The following PRR14L variants were observed in gnomAD, a reference collection of about 807,000 sequenced individuals.
PRR14L encodes the protein proline rich 14 like.
A neutral mutation model predicts 155.0 loss-of-function variants in PRR14L; 80 were observed. The ratio of observed to expected loss-of-function variants is 0.52; its 90% CI spans 0.43 to 0.62. PRR14L has a LOEUF of 0.62. PRR14L is among the 20% of genes least tolerant of loss of function. The pLI, the probability that PRR14L is intolerant of heterozygous loss-of-function variation, is 0.00. For missense variants in PRR14L, 2,469 were observed against 2,548.0 expected, an observed-to-expected ratio of 0.97 and a Z score of 0.67; for synonymous variants, 883 against 916.0, an observed-to-expected ratio of 0.96 and a Z score of 0.65.
At position 31,715,652 on chromosome 22, in the gene PRR14L, G is replaced by C; in HGVS notation, c.2187C>G (p.Asn729Lys). The C allele has an allele frequency of 6.4e-7, 1 of 1,552,178 alleles. No individual in the cohort carries two copies. The highest frequency in any genetic ancestry group is 2.4e-5 in the East Asian group (1 of 40,932). Residue 729 changes from asparagine to lysine, a missense_variant, in exon 4 of 9, where the codon AAC becomes AAG. Transcript: ENST00000327423. ...CTGGTTTGATGTTTAAGGTGGGACA[G>C]TTTGAAGAGGCACCACAGGTTTGGT... ...PGNQTCGASSNCPTLNIKPVS... is the reference protein window; with the variant it reads ...PGNQTCGASSKCPTLNIKPVS...
At chr22:31,737,022 TGA>T (rs1342200132) in intron 2 of PRR14L, among the ~76,000 whole-genome samples, 1 of 90,062 alleles carries the variant, frequency 1.1e-5, no homozygotes, top group African/African-American at 4.8e-5. Flanking sequence ...TGGGAGACAG[TGA>T]GAGACTCAAA....
chr22:31,724,237 T>G (rs2074705509), intron 3 of PRR14L, among the ~76,000 whole-genome samples: 1 of 152,194 alleles, frequency 6.6e-6, no homozygotes, highest in African/African-American at 2.4e-5. Flanking sequence ...CATTATATAT[T>G]ACAATGGAAT....
chr22:31,714,176 C>T lies in PRR14L; in HGVS notation c.3663G>A (p.Ser1221=), dbSNP rs778655507. Residue 1221 remains serine, a synonymous_variant, in exon 4 of 9, where the codon TCG becomes TCA. Transcript: ENST00000327423. ...ESTFGISSKE[S]MSCHDESSVS... ...CAGAGCTTTCATCATGGCAAGACAT[C>T]GACTCTTTTGAGGAAATTCCAAAGG... The T allele has an allele frequency of 4.2e-5, 65 of 1,551,582 alleles. No individual in the cohort carries two copies. Among genetic ancestry groups the T allele is most frequent in the Non-Finnish European group, 5.4e-5 (62 of 1,146,966 alleles).
chr22:31,720,094 A>G (rs1365478335), intron 3 of PRR14L, among the ~76,000 whole-genome samples: 2 of 152,192 alleles, frequency 1.3e-5, no homozygotes, highest in Non-Finnish European at 2.9e-5. Flanking sequence ...TGGGGAAAGT[A>G]CAATTACCTC....
At chr22:31,728,352 C>G (rs1269778521) in intron 2 of PRR14L, among the ~76,000 whole-genome samples, 1 of 152,134 alleles carries the variant, frequency 6.6e-6, no homozygotes, top group African/African-American at 2.4e-5. Flanking sequence ...GTGGCTCACA[C>G]CTGTAATCCC....
Position 31,713,276 on chromosome 22 carries a change from C to T in PRR14L, c.4563G>A (p.Gln1521=). ...AAACTTTCTTACAAGTTCGATGGGG[C>T]TGCTTCTTTAAGGGAAGAACTCCTT... ...AKKGVLPLKK[Q]PHRTCKKVSY... Residue 1521 remains glutamine (Q), a synonymous_variant, in exon 4 of 9, where the codon CAG becomes CAA. Coordinates refer to ENST00000327423, the MANE Select transcript of PRR14L (RefSeq NM_173566.3). 5 of 1,552,208 alleles carry T rather than the reference C, an allele frequency of 3.2e-6. No individual in the cohort carries two copies. The highest frequency in any genetic ancestry group is 4.4e-6 in the Non-Finnish European group (5 of 1,147,098).
At chr22:31,688,309 C>G in intron 7 of PRR14L, 82 bp from the exon 8 acceptor site, 3 of 1,417,460 alleles carry the variant, frequency 2.1e-6, no homozygotes, top group Non-Finnish European at 2.8e-6. Context: ...GTTGCCCAGG[C>G]TGAAGGGCAG....
Position 31,714,993 on chromosome 22 carries a change from A to AT in PRR14L, c.2845dup (p.Met949AsnfsTer6). The AT allele has an allele frequency of 1.3e-6, 2 of 1,552,186 alleles. No homozygotes were observed. Among genetic ancestry groups the AT allele is most frequent in the Non-Finnish European group, 1.7e-6 (2 of 1,147,082 alleles). ...TTTTACATTTTTAAAACTGGAGAAC[A>AT]TAACAGTAGGAGACTGGTCCAACAC... On this transcript the variant is annotated frameshift_variant, in exon 4 of 9. Coordinates refer to ENST00000327423, the MANE Select transcript of PRR14L (RefSeq NM_173566.3). LOFTEE classifies it high-confidence loss of function.
At chr22:31,743,618 T>C (rs1172816912) in intron 1 of PRR14L, among the ~76,000 whole-genome samples, 3 of 151,826 alleles carry the variant, frequency 2.0e-5, no homozygotes, top group Non-Finnish European at 4.4e-5. Context: ...ATGGCCAACA[T>C]GGTGAAACCC....
chr22:31,729,178 T>C (rs1186678987), intron 2 of PRR14L, among the ~76,000 whole-genome samples: 1 of 152,234 alleles, frequency 6.6e-6, no homozygotes, highest in East Asian at 1.9e-4. Flanking sequence ...CAGGGTGATC[T>C]TGATCAAATC....
rs369232686 is a variant in PRR14L at position 31,728,654 on chromosome 22, A to G, written c.475-3044T>C. 1.9e-4 allele frequency among the ~76,000 whole-genome samples: 29 copies of G among 151,124 alleles called. No homozygotes were observed. In the East Asian group the frequency reaches 5.6e-3, roughly 29 times the overall value. ...TACTACGCTTTTGTATGTTACAGTT[A>G]AAAGACAATTCAGATTGTGCCACTG... On this transcript the variant is annotated intron_variant, in intron 2 of 8. Transcript: ENST00000327423.
At chr22:31,687,468 C>T (rs1288823370) in intron 8 of PRR14L, among the ~76,000 whole-genome samples, 3 of 151,738 alleles carry the variant, frequency 2.0e-5, no homozygotes, top group Non-Finnish European at 2.9e-5. Flanking sequence ...ATTCTCCTGC[C>T]TCAGCCTCCC....
intron 1 of PRR14L, among the ~76,000 whole-genome samples, chr22:31,749,125 T>G (rs919288289): frequency 5.9e-5 from 9 of 152,200 alleles, no homozygotes; most frequent in African/African-American, 2.2e-4. Context: ...ACACAAATGC[T>G]CCCTTAGCCC....
chr22:31,710,530 G>A (rs1216214217), intron 4 of PRR14L, among the ~76,000 whole-genome samples: 1 of 151,176 alleles, frequency 6.6e-6, no homozygotes, highest in African/African-American at 2.4e-5. Context: ...TCGGCTCACT[G>A]CAAGTTCTGC....
intron 7 of PRR14L, among the ~76,000 whole-genome samples, chr22:31,695,157 G>C (rs901397704): frequency 6.6e-6 from 1 of 152,192 alleles, no homozygotes; most frequent in Non-Finnish European, 1.5e-5. Flanking sequence ...ACAGCTCTTT[G>C]TGAAGCGAAT....
chr22:31,742,367 CTTTTT>C (rs66721130), intron 1 of PRR14L, among the ~76,000 whole-genome samples: 2 of 143,106 alleles, frequency 1.4e-5, no homozygotes, highest in East Asian at 4.0e-4. Context: ...AAAACTCTTC[CTTTTT>C]TTTTTTTTTG....
Position 31,714,834 on chromosome 22 carries a change from G to A in PRR14L, c.3005C>T (p.Thr1002Ile), listed in dbSNP as rs1292116517. ...GTGGTTTACCTCCCCGTGAGGCTCG[G>A]TGACAGTCTCTCTCTGGTCACTACT... Reference protein sequence around the residue: ...MLSSDQRETVTEPHGEVNHNQ... With the variant: ...MLSSDQRETVIEPHGEVNHNQ... Residue 1002 changes from threonine to isoleucine, a missense_variant, in exon 4 of 9, where the codon ACC (threonine) becomes ATC (isoleucine). This residue lies in a region of PRR14L where 2,363 missense variants were observed against 2,371.6 expected (regional missense o/e 1.00). Transcript: ENST00000327423. 2 of 1,552,042 alleles carry A rather than the reference G, an allele frequency of 1.3e-6. No homozygotes were observed. The highest frequency in any genetic ancestry group is 1.7e-6 in the Non-Finnish European group (2 of 1,147,056).
rs2074657608 is a variant in PRR14L at position 31,716,090 on chromosome 22, A to C, written c.1749T>G (p.Pro583=). 1 of 1,550,966 alleles carries C rather than the reference A, an allele frequency of 6.4e-7. No individual in the cohort carries two copies. Among genetic ancestry groups the C allele is most frequent in the African/African-American group, 1.4e-5 (1 of 73,046 alleles). Residue 583 remains proline, a synonymous_variant, in exon 4 of 9, where the codon CCT becomes CCG. Transcript: ENST00000327423. ...GCTTGGGTTTTAATACCTCACTTAC[A>C]GGACTTATTTGATCCTCTGGCATTA... ...VSLMPEDQIS[P]VSEVLKPKQG...
rs755523397 is a variant in PRR14L, at chr22:31,713,498, G to C, written c.4341C>G (p.Ile1447Met). 1.3e-6 allele frequency: 2 copies of C among 1,552,054 alleles called. No individual in the cohort carries two copies. The highest frequency in any genetic ancestry group is 1.7e-6 in the Non-Finnish European group (2 of 1,147,066). Residue 1447 changes from isoleucine to methionine, a missense_variant, in exon 4 of 9, where the codon ATC becomes ATG. This residue lies in a region of PRR14L where 2,363 missense variants were observed against 2,371.6 expected (regional missense o/e 1.00). Transcript: ENST00000327423. ...TGTCCTTGGCCAGCTTTGCTAGGGT[G>C]ATTTCATTGATCATGGTGGACTCAT... Reference protein sequence around the residue: ...DKDESTMINEITLAKLAKDSI... With the variant: ...DKDESTMINEMTLAKLAKDSI...
Sources: gnomAD v4.1 joint callset for allele counts (sites outside exome capture counted in the v4.1 genomes callset) on GRCh38, gnomAD v4.1.1 for gene constraint, gnomAD v4.1.1 regional missense constraint, MANE v1.5 for transcripts, NCBI Gene and HGNC (gene_info 2026-07-23, HGNC 2026-07-21) for gene names.